The following TRPC4 variants were observed in gnomAD, a reference collection of about 807,000 sequenced individuals.
The protein encoded by TRPC4 is transient receptor potential cation channel subfamily C member 4.
A neutral mutation model predicts 99.4 loss-of-function variants in TRPC4; 49 were observed. The observed-to-expected ratio is 0.49, with a 90% CI of 0.39 to 0.63. The LOEUF (loss-of-function observed/expected upper bound fraction) is 0.63, where lower values mean the gene tolerates loss of function less well. Ranked by LOEUF, TRPC4 falls within the 20% of genes least tolerant of loss-of-function variation. TRPC4 has a pLI of 0.00. For missense variants in TRPC4, 898 were observed against 1,152.9 expected (o/e 0.78, Z 3.20); for synonymous variants, 454 against 425.9 (o/e 1.07, Z -0.81).
intron 2 of TRPC4, among the ~76,000 whole-genome samples, chr13:37,747,661 A>T (rs1955823886): frequency 1.3e-5 from 2 of 152,194 alleles, no homozygotes; most frequent in Non-Finnish European, 2.9e-5. Context: ...GTACATTTTT[A>T]TATGTGGACA....
chr13:37,681,535 T>C (rs140656995), intron 4 of TRPC4, among the ~76,000 whole-genome samples: 1 of 152,346 alleles, frequency 6.6e-6, no homozygotes, highest in East Asian at 1.9e-4. Context: ...TGACTGTGGA[T>C]TTATGTTTGT....
At chr13:37,791,737 T>A (rs974877918) in intron 1 of TRPC4, among the ~76,000 whole-genome samples, 6 of 152,056 alleles carry the variant, frequency 3.9e-5, no homozygotes, top group African/African-American at 1.4e-4. Context: ...GGAGAAGAGA[T>A]GAAGACCTGC....
intron 2 of TRPC4, among the ~76,000 whole-genome samples, chr13:37,760,680 C>T (rs957500158): frequency 5.3e-5 from 8 of 151,936 alleles, no homozygotes; most frequent in African/African-American, 1.7e-4. Context: ...AACACAAATT[C>T]GCAAACTTTC....
chr13:37,781,828 C>T (rs1341419023), intron 2 of TRPC4, among the ~76,000 whole-genome samples: 1 of 151,954 alleles, frequency 6.6e-6, no homozygotes, highest in African/African-American at 2.4e-5. Context: ...AGGCTTTTCC[C>T]AGCAGACAGG....
In TRPC4 at chr13:37,637,223, C is replaced by A. The variant is rs770234760; in HGVS notation, c.2614G>T (p.Ala872Ser). 24 of 1,613,826 alleles carry A rather than the reference C, an allele frequency of 1.5e-5. No individual in the cohort carries two copies. In the Admixed American group the frequency reaches 2.3e-4, roughly 16 times the overall value. The change falls in exon 11 of 11, where the codon GCT (alanine) becomes TCT (serine). Residue 872 changes from alanine (A) to serine (S), a missense_variant. This residue lies in a region of TRPC4 where 346 missense variants were observed against 351.4 expected (regional missense o/e 0.98). Transcript: ENST00000379705. ...AGTGGTCCTGCAGCCTGTTGACGAG[C>A]AACTTCTTCTGAAACAGAGAAGATT... is the stretch of plus-strand genomic sequence containing the variant. ...NQIFSVSEEV[A>S]RQQAAGPLER...
intron 3 of TRPC4, among the ~76,000 whole-genome samples, chr13:37,706,777 G>T (rs1037333724): frequency 5.9e-5 from 9 of 151,806 alleles, no homozygotes; most frequent in Non-Finnish European, 1.3e-4. Context: ...AGTTTTTCTT[G>T]GAAAGTACAT....
chr13:37,869,366 A>C (rs569375237), intron 1 of TRPC4, among the ~76,000 whole-genome samples: 54 of 152,262 alleles, frequency 3.5e-4, no homozygotes, highest in African/African-American at 1.3e-3. Context: ...AGCACCCCCA[A>C]ACTCCTGCTC....
chr13:37,759,935 A>G (rs1956181599), intron 2 of TRPC4, among the ~76,000 whole-genome samples: 1 of 152,032 alleles, frequency 6.6e-6, no homozygotes, highest in African/African-American at 2.4e-5. Flanking sequence ...CAAAAGAGAA[A>G]AGTTTGAACA....
intron 3 of TRPC4, among the ~76,000 whole-genome samples, chr13:37,727,155 C>T (rs912617145): frequency 6.6e-6 from 1 of 152,034 alleles, no homozygotes; most frequent in Non-Finnish European, 1.5e-5. Flanking sequence ...GAACATGGGA[C>T]ATTTTCAGGG....
At chr13:37,646,210 C>A (rs1951856849) in intron 8 of TRPC4, among the ~76,000 whole-genome samples, 1 of 152,336 alleles carries the variant, frequency 6.6e-6, no homozygotes, top group South Asian at 2.1e-4. Context: ...CCACCTGTAT[C>A]TCAGAGCTGT....
intron 1 of TRPC4, among the ~76,000 whole-genome samples, chr13:37,833,501 A>G (rs1304018245): frequency 2.0e-5 from 3 of 152,158 alleles, no homozygotes; most frequent in African/African-American, 4.8e-5. Flanking sequence ...GCAGCTGACG[A>G]TCTTAAAAAT....
chr13:37,811,281 T>A (rs921262653), intron 1 of TRPC4, among the ~76,000 whole-genome samples: 9 of 152,184 alleles, frequency 5.9e-5, no homozygotes, highest in Non-Finnish European at 8.8e-5. Flanking sequence ...GCCAAGAGAA[T>A]ACACTCCCAC....
At chr13:37,689,950 T>C (rs1232751049) in intron 4 of TRPC4, among the ~76,000 whole-genome samples, 1 of 152,230 alleles carries the variant, frequency 6.6e-6, no homozygotes, top group African/African-American at 2.4e-5. Flanking sequence ...CTGGAAAGTA[T>C]TTGACACATT....
At chr13:37,651,561 C>T (rs934728487) in intron 7 of TRPC4, 102 bp from the exon 8 acceptor site, 12 of 1,037,226 alleles carry the variant, frequency 1.2e-5, no homozygotes, top group Middle Eastern at 3.0e-4. Flanking sequence ...GCTCTTGGAA[C>T]ATTAATTAAA....
intron 8 of TRPC4, among the ~76,000 whole-genome samples, chr13:37,648,669 C>T (rs1460954690): frequency 1.3e-5 from 2 of 152,094 alleles, no homozygotes; most frequent in Non-Finnish European, 2.9e-5. Context: ...CCTTTTGAGA[C>T]CAGTAATATA....
chr13:37,808,754 A>G (rs182431728), intron 1 of TRPC4, among the ~76,000 whole-genome samples: 1 of 152,194 alleles, frequency 6.6e-6, no homozygotes, highest in African/African-American at 2.4e-5. Context: ...GATCATGATC[A>G]CCAAGAATTC....
chr13:37,673,460 G>T (rs1212769950), intron 5 of TRPC4, among the ~76,000 whole-genome samples: 2 of 72,196 alleles, frequency 2.8e-5, no homozygotes, highest in African/African-American at 9.8e-5. Context: ...CACCCAATTA[G>T]ATATTCTTTA....
Position 37,637,593 on chromosome 13 carries a change from A to G in TRPC4, c.2244T>C (p.Phe748=). Residue 748 remains phenylalanine (F), a synonymous_variant, in exon 11 of 11, where the codon TTT becomes TTC. Transcript: ENST00000379705. ...TTCCTCTTAGTAATCCCAGGACTTC[A>G]AAGCGGAAACTAGAAATGTCTTGCT... is the stretch of plus-strand genomic sequence containing the variant. The part of the protein sequence containing the change: ...ELKQDISSFR[F]EVLGLLRGSK... The G allele has an allele frequency of 6.3e-7, 1 of 1,597,120 alleles. No individual in the cohort carries two copies. The highest frequency in any genetic ancestry group is 1.1e-5 in the South Asian group (1 of 87,982).
At chr13:37,771,082 A>T (rs1398916875) in intron 2 of TRPC4, among the ~76,000 whole-genome samples, 2 of 151,626 alleles carry the variant, frequency 1.3e-5, no homozygotes, top group African/African-American at 4.8e-5. Flanking sequence ...GGAAACCAAT[A>T]TTGTATAGAA....
Sources: gnomAD v4.1 joint callset for allele counts (sites outside exome capture counted in the v4.1 genomes callset) on GRCh38, gnomAD v4.1.1 for gene constraint, gnomAD v4.1.1 regional missense constraint, MANE v1.5 for transcripts, NCBI Gene and HGNC (gene_info 2026-07-23, HGNC 2026-07-21) for gene names.